The following DEAF1 variants were observed in gnomAD, a reference collection of about 807,000 sequenced individuals.
DEAF1 encodes the protein DEAF1 transcription factor.
In DEAF1, 53 loss-of-function variants were observed where a neutral mutation model predicts 58.9. The ratio of observed to expected loss-of-function variants is 0.90; its 90% CI spans 0.72 to 1.13. The LOEUF is 1.13. Among genes scored for constraint, DEAF1 ranks in the 50% most tolerant of loss-of-function variants. DEAF1 has a pLI of 0.00. For synonymous variants in DEAF1, 385 were observed against 340.4 expected, an observed-to-expected ratio of 1.13 and a Z score of -1.44; for missense variants, 685 against 791.4, an observed-to-expected ratio of 0.87 and a Z score of 1.61.
upstream of DEAF1, chr11:695,534 GC>G (rs1861088286): frequency 2.6e-6 from 3 of 1,143,726 alleles, no homozygotes; most frequent in East Asian, 9.6e-5. Flanking sequence ...CGCGGGTTTC[GC>G]CCGTTCCCGC....
chr11:658,232 T>C (rs961719069), intron 10 of DEAF1, among the ~76,000 whole-genome samples: 1 of 152,094 alleles, frequency 6.6e-6, no homozygotes, highest in Non-Finnish European at 1.5e-5. Context: ...ATCGAGACCA[T>C]CCTGGCTAAC....
intron 10 of DEAF1, chr11:674,195 A>G (rs1859955836): frequency 5.6e-6 from 2 of 354,396 alleles, no homozygotes; most frequent in Non-Finnish European, 1.1e-5. Context: ...GATGTTCTCC[A>G]AACTTCATAA....
At chr11:696,996 T>C (rs1400170045), upstream of DEAF1, among the ~76,000 whole-genome samples, 2 of 135,478 alleles carry the variant, frequency 1.5e-5, no homozygotes, top group Non-Finnish European at 3.1e-5. Flanking sequence ...GGAGAATTGC[T>C]CGAACCCGGT....
intron 1 of DEAF1, chr11:705,427 CCAGA>C (rs991627928): frequency 1.3e-5 from 2 of 154,454 alleles, no homozygotes; most frequent in Non-Finnish European, 2.9e-5. Flanking sequence ...GAGGACGGAA[CCAGA>C]CAGTCCCACT....
intron 1 of DEAF1, among the ~76,000 whole-genome samples, chr11:701,564 C>T (rs527781168): frequency 6.6e-6 from 1 of 152,214 alleles, no homozygotes. Flanking sequence ...GTGCCCGCCA[C>T]CACGCCCGGC....
At chr11:684,419 GA>G (rs537636795) in intron 6 of DEAF1, among the ~76,000 whole-genome samples, 28 of 137,820 alleles carry the variant, frequency 2.0e-4, no homozygotes, top group South Asian at 2.3e-4. Flanking sequence ...CTTCGTCTCA[GA>G]AAAAAAAAAA....
chr11:669,968 C>CA (rs1332522063), intron 10 of DEAF1, among the ~76,000 whole-genome samples: 17 of 130,290 alleles, frequency 1.3e-4, no homozygotes, highest in Admixed American at 3.0e-4. Flanking sequence ...CCCATCTTTA[C>CA]AAAAAATACA....
rs1428678041 is a variant in DEAF1, at chr11:694,971, G to A, written c.77C>T (p.Ala26Val). 5.6e-6 allele frequency: 6 copies of A among 1,073,460 alleles called. No homozygotes were observed. Among genetic ancestry groups the A allele is most frequent in the East Asian group, 1.2e-4 (2 of 16,846 alleles). The allele number at this position is 1,073,460 out of a possible 1,614,324, so 66.5% of individuals were successfully genotyped here. A position where few individuals can be genotyped will look rare whatever the true frequency, so the allele number is the denominator to read the frequency against. ...AAAVAAAAAV[A>V]AAAAAAAGGE... The stretch of plus-strand genomic sequence containing the variant: ...TCCTGCCGCGGCCGCGGCCGCCGCC[G>A]CCACAGCGGCCGCGGCCGCCACCGC... Residue 26 changes from alanine (A) to valine (V), a missense_variant, in exon 1 of 12, where the codon GCG becomes GTG. Physicochemically the swap from Ala to Val is moderately conservative, Grantham distance 64 (BLOSUM62 0). Around this residue, in one of 3 missense-constraint regions of DEAF1, gnomAD observed 210 missense variants for 177.3 expected, o/e 1.18. Transcript: ENST00000382409.
intron 10 of DEAF1, 119 bp from the exon 11 acceptor site, chr11:654,170 T>C (rs1387315398): frequency 1.5e-6 from 1 of 678,120 alleles, no homozygotes; most frequent in South Asian, 1.7e-5. Context: ...ACCCCCTTTT[T>C]TTTTTTTTTT....
chr11:667,886 T>C (rs557031703), intron 10 of DEAF1, among the ~76,000 whole-genome samples: 41 of 151,954 alleles, frequency 2.7e-4, no homozygotes, highest in Admixed American at 2.4e-3. Context: ...CCCAGGCGGG[T>C]GGATCACTTG....
At chr11:650,051 A>G (rs28491722) in intron 11 of DEAF1, among the ~76,000 whole-genome samples, 1 of 148,542 alleles carries the variant, frequency 6.7e-6, no homozygotes, top group Non-Finnish European at 1.5e-5. Flanking sequence ...AAAAACAAAA[A>G]CAAAACAAAA....
intron 10 of DEAF1, among the ~76,000 whole-genome samples, chr11:664,427 A>AG (rs1319000485): frequency 6.6e-5 from 10 of 151,814 alleles, no homozygotes; most frequent in African/African-American, 2.4e-4. Flanking sequence ...ATTCACACCG[A>AG]GAGGAGGAGG....
chr11:702,911 C>T (rs543097006), intron 1 of DEAF1: 2 of 1,552,248 alleles, frequency 1.3e-6, no homozygotes, highest in Non-Finnish European at 1.8e-6. Context: ...GAGCGCCTCG[C>T]ACCACCTTCC....
At chr11:648,949 T>C (rs1159577636) in intron 11 of DEAF1, among the ~76,000 whole-genome samples, 1 of 152,124 alleles carries the variant, frequency 6.6e-6, no homozygotes, top group Non-Finnish European at 1.5e-5. Context: ...ACATTGATAA[T>C]TACATTAAAC....
chr11:694,795 C>G lies in DEAF1; in HGVS notation c.253G>C (p.Gly85Arg), dbSNP rs1708369497. The G allele has an allele frequency of 4.4e-6, 6 of 1,376,950 alleles. No individual in the cohort carries two copies. Among genetic ancestry groups the G allele is most frequent in the Non-Finnish European group, 5.6e-6 (6 of 1,067,638 alleles). 85.3% of individuals were successfully genotyped at this position (1,376,950 alleles called of 1,614,324 possible). Residue 85 changes from glycine (G) to arginine (R), a missense_variant, in exon 1 of 12, where the codon GGC becomes CGC. Around this residue, in one of 3 missense-constraint regions of DEAF1, gnomAD observed 210 missense variants for 177.3 expected, o/e 1.18. Transcript: ENST00000382409. ...HMDMGAEALP[G>R]PDEAAAAAAF... ...GCGGCAGCGGCGGCCTCGTCGGGGC[C>G]GGGCAGGGCCTCGGCGCCCATGTCC...
At chr11:658,880 G>C (rs905961305) in intron 10 of DEAF1, among the ~76,000 whole-genome samples, 1 of 152,170 alleles carries the variant, frequency 6.6e-6, no homozygotes, top group African/African-American at 2.4e-5. Flanking sequence ...CTCTGGTCCA[G>C]GTGGAAAAAA....
rs11600421 is a variant in DEAF1 at position 649,657 on chromosome 11, C to G, written c.1593+4305G>C. Among the ~76,000 whole-genome samples, 788 of 152,088 alleles carry G rather than the reference C, an allele frequency of 5.2e-3. 4 individuals carry two copies. Among genetic ancestry groups the G allele is most frequent in the Non-Finnish European group, 8.1e-3 (548 of 67,978 alleles). On this transcript the variant is annotated intron_variant, in intron 11 of 11. Transcript: ENST00000382409. ...ATCCCTTAAACCCAGGAGGTGGAGG[C>G]TGCAGTGAGCCGAGATTACGCCAGT...
rs1860692553 is a variant in DEAF1 at position 688,509 on chromosome 11, G to A, written c.388-49C>T. On this transcript the variant is annotated intron_variant, in intron 2 of 11. Transcript: ENST00000382409. This position sits in a 1 kb window ranked among gnomAD's most constrained non-coding sequence, Gnocchi z 4.3. ...AGGTCACGTCCGAGAGTGACACCAG[G>A]CGTGTCACTGAGCCCAGCTGGGCCG... 3 of 1,610,538 alleles carry A rather than the reference G, an allele frequency of 1.9e-6. No homozygotes were observed. Among genetic ancestry groups the A allele is most frequent in the East Asian group, 2.2e-5 (1 of 44,872 alleles).
chr11:678,966 C>A, intron 8 of DEAF1, 144 bp from the exon 9 acceptor site: 1 of 1,099,188 alleles, frequency 9.1e-7, no homozygotes, highest in Non-Finnish European at 1.3e-6. Context: ...ATGTGGTGAT[C>A]CTGAATCGTT....
Sources: allele counts gnomAD v4.1 joint callset (sites outside exome capture counted in the v4.1 genomes callset), GRCh38; gene constraint gnomAD v4.1.1; regional missense constraint gnomAD v4.1.1; non-coding constraint Gnocchi (gnomAD v3.1); transcripts MANE v1.5; gene names NCBI Gene and HGNC (gene_info 2026-07-23, HGNC 2026-07-21).